The following TMEM182 variants were observed in gnomAD, a reference collection of about 807,000 sequenced individuals.
TMEM182 encodes transmembrane protein 182.
A neutral mutation model predicts 26.8 loss-of-function variants in TMEM182; 20 were observed. The observed-to-expected ratio is 0.75, with a 90% CI of 0.53 to 1.09. TMEM182 has a LOEUF of 1.09. TMEM182 is among the 50% of genes least tolerant of loss of function. The pLI, the probability that TMEM182 is intolerant of heterozygous loss-of-function variation, is 0.00. For synonymous variants in TMEM182, 109 were observed against 102.2 expected (o/e 1.07, Z -0.40); for missense variants, 277 against 275.5 (o/e 1.01, Z -0.04).
chr2:102,805,538 G>A (rs1421316013), intron 4 of TMEM182, among the ~76,000 whole-genome samples: 1 of 151,744 alleles, frequency 6.6e-6, no homozygotes, highest in African/African-American at 2.4e-5. Context: ...AATACCTTTG[G>A]TGGAGCTTTT....
At chr2:102,770,577 T>G (rs1450808687) in intron 3 of TMEM182, among the ~76,000 whole-genome samples, 1 of 152,128 alleles carries the variant, frequency 6.6e-6, no homozygotes, top group Non-Finnish European at 1.5e-5. Context: ...AAACCCTACC[T>G]CAGGCTTCCT....
intron 4 of TMEM182, among the ~76,000 whole-genome samples, chr2:102,803,894 G>A (rs780556307): frequency 6.6e-6 from 1 of 152,088 alleles, no homozygotes; most frequent in Non-Finnish European, 1.5e-5. Context: ...GGCACACGCA[G>A]CCCTGCCGTC....
At chr2:102,764,507 C>T in intron 3 of TMEM182, 80 bp downstream of exon 3, 1 of 1,152,550 alleles carries the variant, frequency 8.7e-7, no homozygotes, top group South Asian at 1.8e-5. Context: ...TTGTTGTGAG[C>T]AATTAAAAAA....
intron 1 of TMEM182, among the ~76,000 whole-genome samples, chr2:102,744,035 A>G (rs1362474400): frequency 6.6e-6 from 1 of 152,196 alleles, no homozygotes; most frequent in Non-Finnish European, 1.5e-5. Context: ...TCAGTAATTT[A>G]TAGATAAGAT....
upstream of TMEM182, chr2:102,758,454 C>T (rs1437213980): frequency 1.4e-6 from 1 of 716,632 alleles, no homozygotes. Context: ...AGAAAAAAGA[C>T]ACCTTTTACC....
At chr2:102,746,363 T>C (rs970304761) in intron 1 of TMEM182, among the ~76,000 whole-genome samples, 4 of 152,214 alleles carry the variant, frequency 2.6e-5, no homozygotes, top group African/African-American at 9.7e-5. Context: ...AATTTCAAAA[T>C]GTTTTCTTCA....
Position 102,797,979 on chromosome 2 carries a change from G to A in TMEM182, c.448G>A (p.Gly150Arg). 1 of 1,613,962 alleles carries A rather than the reference G, an allele frequency of 6.2e-7. No homozygotes were observed. The change falls in exon 4 of 5, where the codon GGA becomes AGA. Residue 150 changes from glycine to arginine, a missense_variant. Physicochemically the swap from Gly to Arg is moderately radical, Grantham distance 125. Coordinates refer to ENST00000412401, the MANE Select transcript of TMEM182 (RefSeq NM_144632.5). ...FASHFLYKAG[G>R]GSYIAAGILF... is the part of the protein sequence containing the mutation. The stretch of plus-strand genomic sequence containing the variant: ...CAGCCATTTTCTCTACAAAGCTGGG[G>A]GAGGCTCATATATTGCTGCAGGTAC...
At chr2:102,781,797 GC>G (rs1318029062) in intron 3 of TMEM182, among the ~76,000 whole-genome samples, 1 of 152,120 alleles carries the variant, frequency 6.6e-6, no homozygotes, top group Non-Finnish European at 1.5e-5. Flanking sequence ...GTAAGGTTTT[GC>G]CTCATGGGAT....
chr2:102,786,751 A>T (rs1324907503), intron 3 of TMEM182, among the ~76,000 whole-genome samples: 1 of 152,144 alleles, frequency 6.6e-6, no homozygotes, highest in East Asian at 1.9e-4. Flanking sequence ...TGAGTGGTAA[A>T]TTGTTGATTC....
chr2:102,776,896 CAT>C lies in TMEM182; in HGVS notation c.331+12472_331+12473del, dbSNP rs148823127. Among the ~76,000 whole-genome samples, 150 of 152,264 alleles carry C rather than the reference CAT, an allele frequency of 9.9e-4. 5 individuals are homozygous for C. In the East Asian group the frequency reaches 0.027, roughly 28 times the overall value. The stretch of plus-strand genomic sequence containing the variant: ...GTTTTAATCTGCAATTCTCTAATGA[CAT>C]ATGATGTTGAACATCTTTTCTCATG... On this transcript the variant is annotated intron_variant, in intron 3 of 4. Transcript: ENST00000412401.
At chr2:102,791,029 G>A (rs1387071951) in intron 3 of TMEM182, among the ~76,000 whole-genome samples, 2 of 151,968 alleles carry the variant, frequency 1.3e-5, no homozygotes, top group Non-Finnish European at 2.9e-5. Flanking sequence ...TCCACCTCCC[G>A]GGTTCAAGCT....
downstream of TMEM182, among the ~76,000 whole-genome samples, chr2:102,822,004 T>A (rs368485571): frequency 6.7e-3 from 951 of 142,772 alleles, 13 homozygotes; most frequent in African/African-American, 0.023. Context: ...AAAAAAAAAA[T>A]GCAACACTTA....
chr2:102,799,844 A>G (rs746774719), intron 4 of TMEM182, among the ~76,000 whole-genome samples: 3 of 152,132 alleles, frequency 2.0e-5, no homozygotes, highest in Non-Finnish European at 4.4e-5. Context: ...TCTGGTTTCT[A>G]TGATTCACCT....
chr2:102,776,625 G>T (rs1336185510), intron 3 of TMEM182, among the ~76,000 whole-genome samples: 1 of 152,146 alleles, frequency 6.6e-6, no homozygotes, highest in Non-Finnish European at 1.5e-5. Flanking sequence ...ATAAACATTT[G>T]TGTGCAGGTT....
intron 3 of TMEM182, among the ~76,000 whole-genome samples, chr2:102,839,580 A>C (rs1683310196): frequency 6.6e-6 from 1 of 151,726 alleles, no homozygotes; most frequent in Non-Finnish European, 1.5e-5. Context: ...ACCTATCCTA[A>C]ATTTTCAAAA....
intron 3 of TMEM182, among the ~76,000 whole-genome samples, chr2:102,781,473 G>A (rs890671723): frequency 3.3e-5 from 5 of 152,142 alleles, no homozygotes; most frequent in African/African-American, 1.2e-4. Flanking sequence ...GTGCATTTAA[G>A]CGTCATGGCA....
In TMEM182 at chr2:102,782,853, T is replaced by G. The variant is rs185437370; in HGVS notation, c.332-15010T>G. On this transcript the variant is annotated intron_variant, in intron 3 of 4. Transcript: ENST00000412401. ...TTTTTCTTTCTATTTAGAAACAAGT[T>G]TGGGGACATGGGGATAAAATTACAG... Among the ~76,000 whole-genome samples the G allele has an allele frequency of 1.4e-3, 211 of 152,278 alleles. 2 individuals are homozygous for G. The highest frequency in any genetic ancestry group is 4.9e-3 in the African/African-American group (205 of 41,560).
intron 3 of TMEM182, among the ~76,000 whole-genome samples, chr2:102,777,823 T>G (rs921569302): frequency 6.6e-6 from 1 of 151,448 alleles, no homozygotes; most frequent in Non-Finnish European, 1.5e-5. Context: ...CTTCCAGTAC[T>G]ACGTTTCTGT....
Position 102,815,205 on chromosome 2 carries a change from A to G in TMEM182, c.*237A>G. 2.3e-6 allele frequency: 3 copies of G among 1,323,830 alleles called. No homozygotes were observed. Among genetic ancestry groups the G allele is most frequent in the Non-Finnish European group, 2.9e-6 (3 of 1,037,430 alleles). 82.0% of individuals were successfully genotyped at this position (1,323,830 alleles called of 1,614,324 possible). On this transcript the variant is annotated 3_prime_UTR_variant, in exon 5 of 5. Transcript: ENST00000412401. ...GGACCTAGTTCTTTAGGGAATAGGT[A>G]AACAGGTCTCCCTTTCATTGAACAT...
Sources: gnomAD v4.1 joint callset for allele counts (sites outside exome capture counted in the v4.1 genomes callset) on GRCh38, gnomAD v4.1.1 for gene constraint, MANE v1.5 for transcripts, NCBI Gene and HGNC (gene_info 2026-07-23, HGNC 2026-07-21) for gene names.